GRB14: variants seen among roughly 807,000 people sequenced by gnomAD.
GRB14 encodes growth factor receptor bound protein 14.
In GRB14, 38 loss-of-function variants were observed where a neutral mutation model predicts 69.1. The observed-to-expected ratio is 0.55, with a 90% CI of 0.42 to 0.72. GRB14 has a LOEUF of 0.72. GRB14 is among the 30% of genes least tolerant of loss of function. GRB14 has a pLI of 0.00. For missense variants in GRB14, 666 were observed against 666.1 expected (o/e 1.00, Z 0.00); for synonymous variants, 247 against 241.3 (o/e 1.02, Z -0.22).
intron 2 of GRB14, among the ~76,000 whole-genome samples, chr2:164,570,770 T>G (rs1689106393): frequency 6.6e-6 from 1 of 152,184 alleles, no homozygotes; most frequent in Admixed American, 6.5e-5. Context: ...TTAAACACTA[T>G]GTATAAAATG....
At chr2:164,569,463 A>G (rs1433433096) in intron 2 of GRB14, among the ~76,000 whole-genome samples, 2 of 152,202 alleles carry the variant, frequency 1.3e-5, no homozygotes, top group African/African-American at 4.8e-5. Context: ...GAACTGCTCA[A>G]TGCTCTTCAA....
At chr2:164,610,874 T>TAAAA (rs1294119832) in intron 2 of GRB14, among the ~76,000 whole-genome samples, 7 of 48,182 alleles carry the variant, frequency 1.5e-4, no homozygotes, top group African/African-American at 4.7e-4. Context: ...AAAAAAAAAT[T>TAAAA]AAAAAAAAAA....
intron 2 of GRB14, among the ~76,000 whole-genome samples, chr2:164,604,945 T>C (rs1690009468): frequency 6.6e-6 from 1 of 152,214 alleles, no homozygotes; most frequent in Non-Finnish European, 1.5e-5. Context: ...ACAAAGGAGA[T>C]GGTGGTACAA....
chr2:164,611,659 G>A (rs916596074), intron 2 of GRB14, among the ~76,000 whole-genome samples: 1 of 150,958 alleles, frequency 6.6e-6, no homozygotes. Flanking sequence ...TTCACCACTT[G>A]AGCTGGCTCC....
chr2:164,612,342 C>T lies in GRB14; in HGVS notation c.324+7345G>A, dbSNP rs565361655. On this transcript the variant is annotated intron_variant, in intron 2 of 13. Transcript: ENST00000263915. ...AAGCTGGTTAAGAATATTAAACCTC[C>T]TATTTGTGTTTATTTTTTCTGTGGC... Among the ~76,000 whole-genome samples, 4 of 152,322 alleles carry T rather than the reference C, an allele frequency of 2.6e-5. 1 individual carries two copies. The highest frequency in any genetic ancestry group is 9.6e-5 in the African/African-American group (4 of 41,566).
intron 2 of GRB14, among the ~76,000 whole-genome samples, chr2:164,585,634 G>A (rs930102500): frequency 6.6e-6 from 1 of 152,072 alleles, no homozygotes; most frequent in Non-Finnish European, 1.5e-5. Flanking sequence ...TGTTAATCAT[G>A]TCACAATATA....
At chr2:164,573,656 G>A (rs1403569274) in intron 2 of GRB14, 44 of 1,554,412 alleles carry the variant, frequency 2.8e-5, no homozygotes, top group Non-Finnish European at 3.5e-5. Flanking sequence ...TTTTCTTTAT[G>A]GTTCTTCAGT....
At chr2:164,498,726 T>C (rs368907780) in intron 9 of GRB14, among the ~76,000 whole-genome samples, 3 of 152,290 alleles carry the variant, frequency 2.0e-5, no homozygotes, top group African/African-American at 4.8e-5. Flanking sequence ...GCATAGACTA[T>C]AGTCAAATGT....
chr2:164,525,396 C>G (rs535091117), intron 4 of GRB14, among the ~76,000 whole-genome samples: 1 of 152,162 alleles, frequency 6.6e-6, no homozygotes, highest in Admixed American at 6.5e-5. Context: ...CCGCAACCAG[C>G]CTATCAGGTC....
chr2:164,560,298 C>G (rs1011421391), intron 2 of GRB14, among the ~76,000 whole-genome samples: 2 of 151,914 alleles, frequency 1.3e-5, no homozygotes, highest in Non-Finnish European at 2.9e-5. Context: ...TTTTGAGTGT[C>G]AAAAAAAGAC....
intron 2 of GRB14, among the ~76,000 whole-genome samples, chr2:164,617,959 T>G (rs1380814513): frequency 2.3e-4 from 18 of 77,116 alleles, no homozygotes; most frequent in Admixed American, 5.2e-4. Context: ...ATCTTTTTTT[T>G]GGGGGGGGGG....
intron 3 of GRB14, among the ~76,000 whole-genome samples, chr2:164,543,013 C>T (rs1688277751): frequency 6.6e-6 from 1 of 152,096 alleles, no homozygotes; most frequent in Non-Finnish European, 1.5e-5. Context: ...TACATATAGG[C>T]CAGGCATGGT....
intron 2 of GRB14, among the ~76,000 whole-genome samples, chr2:164,569,915 T>A (rs1040318457): frequency 2.6e-5 from 4 of 152,162 alleles, no homozygotes; most frequent in Admixed American, 1.3e-4. Flanking sequence ...TTAGCATTTG[T>A]GAAGTAAAAG....
At chr2:164,587,914 T>C (rs578119760) in intron 2 of GRB14, among the ~76,000 whole-genome samples, 2 of 152,166 alleles carry the variant, frequency 1.3e-5, no homozygotes, top group Non-Finnish European at 2.9e-5. Context: ...AGGTGAGCAC[T>C]GGAAGGATCT....
At chr2:164,612,060 A>T (rs866895410) in intron 2 of GRB14, among the ~76,000 whole-genome samples, 1 of 152,198 alleles carries the variant, frequency 6.6e-6, no homozygotes, top group African/African-American at 2.4e-5. Context: ...CATCTGTAGT[A>T]GGACTGTATT....
chr2:164,504,485 T>G (rs75176998), intron 8 of GRB14, among the ~76,000 whole-genome samples: 1 of 152,066 alleles, frequency 6.6e-6, no homozygotes, highest in African/African-American at 2.4e-5. Flanking sequence ...CACTCCACCA[T>G]TAGAATGCCA....
intron 6 of GRB14, among the ~76,000 whole-genome samples, chr2:164,510,303 C>A (rs781336864): frequency 6.6e-6 from 1 of 152,018 alleles, no homozygotes; most frequent in Non-Finnish European, 1.5e-5. Context: ...TTTGTTCCAC[C>A]ACTGCTAAGG....
chr2:164,532,380 T>TA (rs1687964607), intron 3 of GRB14, among the ~76,000 whole-genome samples: 1 of 152,208 alleles, frequency 6.6e-6, no homozygotes, highest in Non-Finnish European at 1.5e-5. Flanking sequence ...ATTTAATTCT[T>TA]ATAATACCTA....
chr2:164,498,527 T>C (rs756491479), intron 9 of GRB14, among the ~76,000 whole-genome samples: 5 of 152,156 alleles, frequency 3.3e-5, no homozygotes, highest in African/African-American at 9.7e-5. Context: ...AAGAAGGAAT[T>C]AAAATTCTCC....
Sources: allele counts gnomAD v4.1 joint callset (sites outside exome capture counted in the v4.1 genomes callset), GRCh38; gene constraint gnomAD v4.1.1; transcripts MANE v1.5; gene names NCBI Gene and HGNC (gene_info 2026-07-23, HGNC 2026-07-21).